The following PRDM16 variants were observed in gnomAD, a reference collection of about 807,000 sequenced individuals.
The protein encoded by PRDM16 is PR/SET domain 16.
PRDM16 carries 23 observed loss-of-function variants against 110.6 expected under a neutral mutation model. That is an observed-to-expected ratio of 0.21 (90% confidence interval 0.15 to 0.29). PRDM16 has a LOEUF of 0.29. Ranked by LOEUF, PRDM16 falls within the 10% of genes least tolerant of loss-of-function variation. The probability of loss-of-function intolerance (pLI) is 1.00; values close to 1 mark genes in which losing one functional copy is unlikely to be tolerated. For synonymous variants in PRDM16, 799 were observed against 781.8 expected (o/e 1.02, Z -0.37); for missense variants, 1,615 against 1,794.3 (o/e 0.90, Z 1.81).
At chr1:3,397,847 A>G (rs903854824) in intron 5 of PRDM16, among the ~76,000 whole-genome samples, 3 of 152,226 alleles carry the variant, frequency 2.0e-5, no homozygotes, top group African/African-American at 7.2e-5. Flanking sequence ...CCAGACATGG[A>G]GAACTCCGCC....
chr1:3,287,831 G>A (rs1640891575), intron 3 of PRDM16, among the ~76,000 whole-genome samples: 1 of 150,996 alleles, frequency 6.6e-6, no homozygotes, highest in Admixed American at 6.6e-5. Flanking sequence ...GCATTTACCG[G>A]GACTGCAGCC....
At chr1:3,302,280 A>G (rs1641222946) in intron 3 of PRDM16, among the ~76,000 whole-genome samples, 1 of 152,162 alleles carries the variant, frequency 6.6e-6, no homozygotes, top group African/African-American at 2.4e-5. Flanking sequence ...TATTGCAACA[A>G]AGCCAGTGAC....
chr1:3,324,871 C>T (rs541174038), intron 3 of PRDM16, among the ~76,000 whole-genome samples: 96 of 152,304 alleles, frequency 6.3e-4, no homozygotes, highest in African/African-American at 2.2e-3. Flanking sequence ...TGATGTGACA[C>T]AGAACCCTGC....
intron 1 of PRDM16, among the ~76,000 whole-genome samples, chr1:3,144,330 G>C (rs542322952): frequency 6.6e-6 from 1 of 152,204 alleles, no homozygotes; most frequent in East Asian, 1.9e-4. Flanking sequence ...AGACAGGCCC[G>C]TGTGGCTTTG....
At chr1:3,150,476 C>G (rs994122381) in intron 1 of PRDM16, among the ~76,000 whole-genome samples, 8 of 152,008 alleles carry the variant, frequency 5.3e-5, no homozygotes, top group African/African-American at 1.9e-4. Flanking sequence ...GAGAATCACT[C>G]GAACCCAGGA....
At chr1:3,317,204 C>T (rs1339447128) in intron 3 of PRDM16, among the ~76,000 whole-genome samples, 2 of 152,180 alleles carry the variant, frequency 1.3e-5, no homozygotes, top group Non-Finnish European at 2.9e-5. Flanking sequence ...TTTCTTGCCG[C>T]TTGGTACGAG....
At chr1:3,073,320 G>A (rs1348691868) in intron 1 of PRDM16, among the ~76,000 whole-genome samples, 1 of 152,256 alleles carries the variant, frequency 6.6e-6, no homozygotes, top group East Asian at 1.9e-4. Context: ...GGCAATTAGG[G>A]ATCCTTGGGG....
At chr1:3,336,334 G>A (rs1642147579) in intron 3 of PRDM16, among the ~76,000 whole-genome samples, 1 of 147,870 alleles carries the variant, frequency 6.8e-6, no homozygotes, top group South Asian at 2.3e-4. Context: ...GCACATGTGT[G>A]TACATGCACA....
At chr1:3,078,737 C>G (rs137943065) in intron 1 of PRDM16, among the ~76,000 whole-genome samples, 1 of 152,206 alleles carries the variant, frequency 6.6e-6, no homozygotes, top group Non-Finnish European at 1.5e-5. Flanking sequence ...ACGTGAGGAA[C>G]GGGCTCTGAA....
chr1:3,103,686 C>G (rs940938712), intron 1 of PRDM16, among the ~76,000 whole-genome samples: 1 of 152,152 alleles, frequency 6.6e-6, no homozygotes, highest in African/African-American at 2.4e-5. Context: ...AACTGGCATG[C>G]ACGCACCATT....
At chr1:3,351,498 C>T (rs1260595543) in intron 3 of PRDM16, among the ~76,000 whole-genome samples, 2 of 137,414 alleles carry the variant, frequency 1.5e-5, no homozygotes, top group African/African-American at 5.9e-5. Context: ...CCTGGGCCCT[C>T]AGCTCACTGT....
At position 3,370,917 on chromosome 1, in the gene PRDM16, T is replaced by G. The variant is rs1429933665; in HGVS notation, c.439-14235T>G. On this transcript the variant is annotated intron_variant, in intron 3 of 16. Transcript: ENST00000270722. This position sits in a 1 kb window ranked among gnomAD's most constrained non-coding sequence, Gnocchi z 4.8. ...ATCCATTCATCCATCCATCCATCCA[T>G]GCATCCACTGAATAATCCACCCATT... Among the ~76,000 whole-genome samples the G allele has an allele frequency of 6.8e-6, 1 of 147,032 alleles. No homozygotes were observed. Among genetic ancestry groups the G allele is most frequent in the African/African-American group, 2.5e-5 (1 of 39,650 alleles).
intron 3 of PRDM16, among the ~76,000 whole-genome samples, chr1:3,373,824 C>T (rs544154272): frequency 2.6e-5 from 4 of 152,350 alleles, no homozygotes; most frequent in Admixed American, 6.5e-5. Context: ...GCCATCCCCA[C>T]GGGGACACAT....
intron 3 of PRDM16, among the ~76,000 whole-genome samples, chr1:3,364,783 A>C (rs372637379): frequency 6.6e-6 from 1 of 152,184 alleles, no homozygotes; most frequent in African/African-American, 2.4e-5. Flanking sequence ...GAGGCCCAAC[A>C]TGGGCCCGCG....
At chr1:3,314,426 C>T (rs1312048898) in intron 3 of PRDM16, among the ~76,000 whole-genome samples, 1 of 152,138 alleles carries the variant, frequency 6.6e-6, no homozygotes, top group African/African-American at 2.4e-5. Context: ...AGACAGTCTG[C>T]AGGTCAGAGG....
At chr1:3,203,582 C>CG (rs140417015) in intron 2 of PRDM16, among the ~76,000 whole-genome samples, 26 of 151,294 alleles carry the variant, frequency 1.7e-4, no homozygotes, top group Admixed American at 1.5e-3. Flanking sequence ...TTTCTCTCCC[C>CG]GGGGGGGCCA....
intron 1 of PRDM16, among the ~76,000 whole-genome samples, chr1:3,166,227 A>C (rs79429925): frequency 6.6e-6 from 1 of 152,228 alleles, no homozygotes; most frequent in Non-Finnish European, 1.5e-5. Context: ...AAATGGATGC[A>C]AGCAAATAAT....
intron 1 of PRDM16, among the ~76,000 whole-genome samples, chr1:3,155,504 G>A (rs1473579730): frequency 6.6e-6 from 1 of 152,200 alleles, no homozygotes; most frequent in Non-Finnish European, 1.5e-5. Flanking sequence ...CATTGTTCCC[G>A]AGGCACTTGC....
intron 2 of PRDM16, among the ~76,000 whole-genome samples, chr1:3,225,530 CTGTGTGTGTGTGTG>C (rs57169358): frequency 5.2e-4 from 72 of 139,118 alleles, no homozygotes; most frequent in African/African-American, 1.3e-3. Flanking sequence ...TGCAGCTTGC[CTGTGTGTGTGTGTG>C]TGTGTGTGTG....
Sources: gnomAD v4.1 joint callset for allele counts (sites outside exome capture counted in the v4.1 genomes callset) on GRCh38, gnomAD v4.1.1 for gene constraint, Gnocchi (gnomAD v3.1) non-coding constraint, MANE v1.5 for transcripts, NCBI Gene and HGNC (gene_info 2026-07-23, HGNC 2026-07-21) for gene names.